Variants in NSD2 observed in about 807,000 individuals in gnomAD.
NSD2 encodes histone-lysine N-methyltransferase NSD2.
NSD2 carries 12 observed loss-of-function variants against 139.0 expected under a neutral mutation model. The ratio of observed to expected loss-of-function variants is 0.09; its 90% CI spans 0.06 to 0.14. The LOEUF is 0.14. Ranked by LOEUF, NSD2 falls within the 10% of genes least tolerant of loss-of-function variation. The pLI, the probability that NSD2 is intolerant of heterozygous loss-of-function variation, is 1.00. For missense variants in NSD2, 1,155 were observed against 1,745.0 expected (o/e 0.66, Z 6.02); for synonymous variants, 669 against 648.7 (o/e 1.03, Z -0.48).
chr4:1,946,944 A>T, intron 9 of NSD2: 2 of 1,060,132 alleles, frequency 1.9e-6, no homozygotes, highest in Middle Eastern at 4.2e-4. Context: ...GCCTTTTTGC[A>T]TATAACTCTC....
chr4:1,947,017 T>G (rs545864755), intron 9 of NSD2: 13 of 1,063,440 alleles, frequency 1.2e-5, no homozygotes, highest in Non-Finnish European at 1.5e-5. Context: ...ATGACTGAGG[T>G]AGGGGTGGGG....
chr4:1,898,741 T>C (rs1482735497), intron 1 of NSD2, among the ~76,000 whole-genome samples: 1 of 150,210 alleles, frequency 6.7e-6, no homozygotes, highest in African/African-American at 2.5e-5. Context: ...AGTTATTTCA[T>C]AAACTAGGCT....
At chr4:1,901,434 G>A (rs1016118918) in intron 2 of NSD2, among the ~76,000 whole-genome samples, 183 bp downstream of exon 2, 4 of 152,210 alleles carry the variant, frequency 2.6e-5, no homozygotes, top group African/African-American at 9.7e-5. Flanking sequence ...CCCTGGCACT[G>A]CCTCCTCAGT....
chr4:1,876,460 G>A (rs1390644137), intron 1 of NSD2, among the ~76,000 whole-genome samples: 1 of 152,166 alleles, frequency 6.6e-6, no homozygotes, highest in Non-Finnish European at 1.5e-5. Context: ...GGAGGCTGAG[G>A]TGGGAGGATC....
intron 1 of NSD2, among the ~76,000 whole-genome samples, chr4:1,900,326 A>C (rs550073611): frequency 1.8e-4 from 28 of 152,316 alleles, no homozygotes; most frequent in Non-Finnish European, 4.0e-4. Context: ...AAGTTAAGTT[A>C]TGTGTCCATG....
At chr4:1,946,691 A>G in intron 9 of NSD2, 1 of 1,041,218 alleles carries the variant, frequency 9.6e-7, no homozygotes, top group Non-Finnish European at 1.2e-6. Flanking sequence ...AGAAATTACC[A>G]CTAATTTACC....
At position 1,948,231 on chromosome 4, in the gene NSD2, G is replaced by A. The variant is rs1203713551; in HGVS notation, c.1882-2841G>A. The A allele has an allele frequency of 5.6e-6, 6 of 1,064,222 alleles. No homozygotes were observed. Among genetic ancestry groups the A allele is most frequent in the Non-Finnish European group, 5.7e-6 (5 of 878,324 alleles). The allele number at this position is 1,064,222 out of a possible 1,614,324, so 65.9% of individuals were successfully genotyped here. A position where few individuals can be genotyped will look rare whatever the true frequency, so the allele number is the denominator to read the frequency against. On this transcript the variant is annotated intron_variant, in intron 9 of 21. Coordinates refer to ENST00000508803, the MANE Select transcript of NSD2 (RefSeq NM_001042424.3). This position sits in a 1 kb window ranked among gnomAD's most constrained non-coding sequence, Gnocchi z 4.5. ...GGCTGTGGTGGACGCGGGAAACAAC[G>A]GGAAAGTTCTTGACAGAGTCTGTGT...
chr4:1,896,581 A>G (rs961049346), intron 1 of NSD2, among the ~76,000 whole-genome samples: 4 of 152,082 alleles, frequency 2.6e-5, no homozygotes, highest in Admixed American at 6.6e-5. Context: ...GCCCAGGCTC[A>G]TCTCAAACTG....
chr4:1,968,877 G>A (rs1726151850), intron 18 of NSD2, among the ~76,000 whole-genome samples: 1 of 152,216 alleles, frequency 6.6e-6, no homozygotes, highest in Non-Finnish European at 1.5e-5. Flanking sequence ...AAAAAACTAA[G>A]AGAATGTGAT....
chr4:1,938,448 TAG>T lies in NSD2; in HGVS notation c.1678_1679del. On this transcript the variant is annotated splice_acceptor_variant, in intron 7 of 21. Transcript: ENST00000508803. LOFTEE classifies it high-confidence loss of function. ...TTTTTTTTTTTTTTTTTTTAAATAA[TAG>T]AGAGACACAATCACTGACAAAACGG... The T allele has an allele frequency of 9.7e-7, 1 of 1,031,042 alleles. No homozygotes were observed. The highest frequency in any genetic ancestry group is 1.4e-6 in the Non-Finnish European group (1 of 696,602). 63.9% of individuals were successfully genotyped at this position (1,031,042 alleles called of 1,614,324 possible). A position where few individuals can be genotyped will look rare whatever the true frequency, so the allele number is the denominator to read the frequency against.
intron 2 of NSD2, 70 bp downstream of exon 2, chr4:1,901,321 C>T: frequency 1.5e-6 from 2 of 1,333,546 alleles, no homozygotes; most frequent in South Asian, 1.4e-5. Context: ...TATGAGGGCA[C>T]CTGCACGAGT....
intron 10 of NSD2, 21 bp downstream of exon 10, chr4:1,951,224 G>A (rs770514753): frequency 2.5e-6 from 4 of 1,613,630 alleles, no homozygotes; most frequent in Non-Finnish European, 2.5e-6. Flanking sequence ...GGCAGCATCC[G>A]CTATGTCCGT....
At chr4:1,943,507 A>G in intron 9 of NSD2, 2 of 1,047,306 alleles carry the variant, frequency 1.9e-6, no homozygotes, top group South Asian at 9.2e-5. Context: ...TGACTGCATT[A>G]TGCATGCGAG....
At chr4:1,911,625 A>C (rs900340425) in intron 3 of NSD2, among the ~76,000 whole-genome samples, 1 of 151,324 alleles carries the variant, frequency 6.6e-6, no homozygotes, top group African/African-American at 2.4e-5. Flanking sequence ...AAAAAGAAAG[A>C]AAGAAATTGC....
At chr4:1,939,430 TTGA>T in intron 8 of NSD2, 1 of 564,200 alleles carries the variant, frequency 1.8e-6, no homozygotes, top group Non-Finnish European at 3.1e-6. Context: ...TGGCCCCAGG[TTGA>T]TGTTTTTGGG....
At chr4:1,891,856 CAAAAAAAAAA>C (rs74332369) in intron 1 of NSD2, among the ~76,000 whole-genome samples, 2 of 59,200 alleles carry the variant, frequency 3.4e-5, no homozygotes, top group East Asian at 7.9e-4. Context: ...GACTCCATCT[CAAAAAAAAAA>C]AAAAACAAAA....
chr4:1,887,999 C>G (rs1187405936), intron 1 of NSD2, among the ~76,000 whole-genome samples: 2 of 151,974 alleles, frequency 1.3e-5, no homozygotes, highest in South Asian at 2.1e-4. Context: ...CACAGCTGTT[C>G]ACATCATCTT....
intron 18 of NSD2, among the ~76,000 whole-genome samples, chr4:1,969,871 T>G (rs1726263876): frequency 6.6e-6 from 1 of 152,154 alleles, no homozygotes; most frequent in Non-Finnish European, 1.5e-5. Context: ...AAAGGAGAGC[T>G]AGGATTGGGA....
chr4:1,918,300 G>A lies in NSD2; in HGVS notation c.1087G>A (p.Ala363Thr), dbSNP rs1449724087. Reference sequence around the variant, plus strand: ...TCTCAACCCTCAAGTAGCCAAGGAGGCTGGCATTGCTGCAGAGTCTTTGGG... The same window carrying A: ...TCTCAACCCTCAAGTAGCCAAGGAGACTGGCATTGCTGCAGAGTCTTTGGG... ...LHLNPQVAKE[A>T]GIAAESLGEM... is the part of the protein sequence containing the mutation. The change falls in exon 5 of 22, where the codon GCT (alanine) becomes ACT (threonine). Residue 363 changes from alanine to threonine, a missense_variant. This residue lies in a region of NSD2 where 420 missense variants were observed against 469.0 expected (regional missense o/e 0.90). Coordinates refer to ENST00000508803, the MANE Select transcript of NSD2 (RefSeq NM_001042424.3). 1 of 1,614,036 alleles carries A rather than the reference G, an allele frequency of 6.2e-7. No individual in the cohort carries two copies. Among genetic ancestry groups the A allele is most frequent in the Non-Finnish European group, 8.5e-7 (1 of 1,180,024 alleles).
Sources: allele counts gnomAD v4.1 joint callset (sites outside exome capture counted in the v4.1 genomes callset), GRCh38; gene constraint gnomAD v4.1.1; regional missense constraint gnomAD v4.1.1; non-coding constraint Gnocchi (gnomAD v3.1); transcripts MANE v1.5; gene names NCBI Gene and HGNC (gene_info 2026-07-23, HGNC 2026-07-21).